The following PGR variants were observed in gnomAD, a reference collection of about 807,000 sequenced individuals.
PGR encodes the protein nuclear receptor subfamily 3 group C member 3.
Under a neutral mutation model 76.1 loss-of-function variants are expected in PGR, and 25 were observed. The observed-to-expected ratio is 0.33, with a 90% CI of 0.24 to 0.46. PGR has a LOEUF of 0.46. Ranked by LOEUF, PGR falls within the 20% of genes least tolerant of loss-of-function variation. The pLI, the probability that PGR is intolerant of heterozygous loss-of-function variation, is 1.00. For synonymous variants in PGR, 579 were observed against 535.0 expected, an observed-to-expected ratio of 1.08 and a Z score of -1.14; for missense variants, 1,172 against 1,225.3, an observed-to-expected ratio of 0.96 and a Z score of 0.65.
rs1591363767 is a variant in PGR at position 101,038,859 on chromosome 11, T to C, written c.*257A>G. ...AAATAATATGGATAAGATAGTTTAC[T>C]TTAACAATTTTAGTACTTTTTCAAT... is the stretch of plus-strand genomic sequence containing the variant. On this transcript the variant is annotated 3_prime_UTR_variant, in exon 8 of 8. Transcript: ENST00000325455. The C allele has an allele frequency of 2.5e-6, 1 of 398,684 alleles. No homozygotes were observed. The highest frequency in any genetic ancestry group is 4.6e-6 in the Non-Finnish European group (1 of 219,694). The allele number at this position is 398,684 out of a possible 1,614,324, so 24.7% of individuals were successfully genotyped here.
chr11:101,117,732 C>T (rs915245192), intron 2 of PGR, among the ~76,000 whole-genome samples: 1 of 152,028 alleles, frequency 6.6e-6, no homozygotes, highest in African/African-American at 2.4e-5. Flanking sequence ...TAATTACTGT[C>T]TCTGTTTTTA....
rs565745073 is a variant in PGR, at chr11:101,120,606, A to G, written c.1789+5401T>C. On this transcript the variant is annotated intron_variant, in intron 2 of 7. Transcript: ENST00000325455. ...TTCAAGTCATTTTTGTATCAAAATA[A>G]CATGATGCATAAATTATGATATATA... is the stretch of plus-strand genomic sequence containing the variant. Among the ~76,000 whole-genome samples the G allele has an allele frequency of 2.6e-5, 4 of 152,326 alleles. No individual in the cohort carries two copies. In the East Asian group the frequency reaches 7.7e-4, roughly 29 times the overall value.
intron 2 of PGR, among the ~76,000 whole-genome samples, chr11:101,093,264 C>T (rs1488891187): frequency 1.3e-5 from 2 of 151,858 alleles, no homozygotes; most frequent in African/African-American, 2.4e-5. Context: ...GCCAGTCCTA[C>T]AGGAGGTTAG....
chr11:101,074,881 G>A (rs499664), intron 3 of PGR, among the ~76,000 whole-genome samples: 19,726 of 152,158 alleles, frequency 0.13, 1,328 homozygotes, highest in East Asian at 0.19. Flanking sequence ...TCAATATCAT[G>A]AAAATGGCCA....
Position 101,039,069 on chromosome 11 carries a change from A to G in PGR, c.*47T>C. 1 of 1,523,030 alleles carries G rather than the reference A, an allele frequency of 6.6e-7. No homozygotes were observed. Among genetic ancestry groups the G allele is most frequent in the Non-Finnish European group, 9.1e-7 (1 of 1,099,434 alleles). The allele number at this position is 1,523,030 out of a possible 1,614,324, so 94.3% of individuals were successfully genotyped here. On this transcript the variant is annotated 3_prime_UTR_variant, in exon 8 of 8. Transcript: ENST00000325455. ...AGACCTCATAATCCTGACCAAAACA[A>G]AAAGACATACCACAAAATTTAATTC...
rs944882555 is a variant in PGR at position 101,037,195 on chromosome 11, T to C, written c.*1921A>G. 2.4e-5 allele frequency: 5 copies of C among 210,682 alleles called. No homozygotes were observed. Among genetic ancestry groups the C allele is most frequent in the African/African-American group, 1.1e-4 (5 of 44,242 alleles). 13.1% of individuals were successfully genotyped at this position (210,682 alleles called of 1,614,324 possible). Reference sequence around the variant, plus strand: ...ACACATAAAGGTGTTATTTAATATTTAAAGTTAGTACCTTTGTGCTGCATG... The same window carrying C: ...ACACATAAAGGTGTTATTTAATATTCAAAGTTAGTACCTTTGTGCTGCATG... On this transcript the variant is annotated 3_prime_UTR_variant, in exon 8 of 8. Transcript: ENST00000325455.
At chr11:101,053,535 C>T (rs1860172078) in intron 4 of PGR, among the ~76,000 whole-genome samples, 1 of 134,752 alleles carries the variant, frequency 7.4e-6, no homozygotes, top group Non-Finnish European at 1.6e-5. Context: ...TTTCTTCCCT[C>T]CCCTTCTCCC....
intron 3 of PGR, among the ~76,000 whole-genome samples, chr11:101,065,912 A>G (rs1439831707): frequency 6.6e-6 from 1 of 151,980 alleles, no homozygotes; most frequent in African/African-American, 2.4e-5. Context: ...GCTTAGGGGG[A>G]AAGAAGCTCC....
At chr11:101,090,993 A>G (rs537976755) in intron 3 of PGR, among the ~76,000 whole-genome samples, 6 of 152,308 alleles carry the variant, frequency 3.9e-5, no homozygotes, top group Non-Finnish European at 7.3e-5. Context: ...CAATTATGTA[A>G]TATTTTTATT....
intron 2 of PGR, among the ~76,000 whole-genome samples, chr11:101,117,815 C>T (rs547851401): frequency 2.1e-4 from 32 of 152,270 alleles, no homozygotes; most frequent in African/African-American, 6.3e-4. Flanking sequence ...TCTGCCAGTA[C>T]TACTATTAAT....
chr11:101,073,662 C>T lies in PGR; in HGVS notation c.1907-10910G>A, dbSNP rs113985046. Among the ~76,000 whole-genome samples the T allele has an allele frequency of 4.4e-3, 669 of 152,110 alleles. 9 individuals carry two copies. Among genetic ancestry groups the T allele is most frequent in the African/African-American group, 0.015 (617 of 41,504 alleles). On this transcript the variant is annotated intron_variant, in intron 3 of 7. Coordinates refer to ENST00000325455, the MANE Select transcript of PGR (RefSeq NM_000926.4). ...GATAAAGGGGATATCACCAGTGATC[C>T]CACAGAAATACAAACTACCATCAGA...
intron 2 of PGR, among the ~76,000 whole-genome samples, chr11:101,124,333 A>G (rs1862773659): frequency 6.6e-6 from 1 of 152,160 alleles, no homozygotes; most frequent in Non-Finnish European, 1.5e-5. Context: ...TGTTCTATAT[A>G]TGCACTTTAT....
At chr11:101,127,368 G>T in intron 1 of PGR, 66 bp downstream of exon 1, 2 of 1,276,150 alleles carry the variant, frequency 1.6e-6, no homozygotes, top group Non-Finnish European at 1.0e-6. Flanking sequence ...GAGGGTTGGC[G>T]GCCGCCGCCG....
intron 3 of PGR, among the ~76,000 whole-genome samples, chr11:101,085,564 T>C (rs1006639806): frequency 1.2e-5 from 1 of 83,786 alleles, no homozygotes; most frequent in Non-Finnish European, 2.5e-5. Flanking sequence ...GAACAAACTA[T>C]CCCTAAAGCT....
rs376849243 is a variant in PGR, at chr11:101,030,181, G to A, written c.*8935C>T. On this transcript the variant is annotated 3_prime_UTR_variant, in exon 8 of 8. Coordinates refer to ENST00000325455, the MANE Select transcript of PGR (RefSeq NM_000926.4). ...AGTAGCATTAATAACTAAATAGGGCGTGAGTCATGAGAAAGATTCCCTGCA... is the reference window on the plus strand; with the variant it reads ...AGTAGCATTAATAACTAAATAGGGCATGAGTCATGAGAAAGATTCCCTGCA... 6 of 220,370 alleles carry A rather than the reference G, an allele frequency of 2.7e-5. No individual in the cohort carries two copies. The highest frequency in any genetic ancestry group is 6.7e-5 in the East Asian group (1 of 14,890). The allele number at this position is 220,370 out of a possible 1,614,324, so 13.7% of individuals were successfully genotyped here.
intron 2 of PGR, among the ~76,000 whole-genome samples, chr11:101,121,481 T>C (rs768014392): frequency 2.6e-5 from 4 of 152,240 alleles, no homozygotes; most frequent in Non-Finnish European, 2.9e-5. Flanking sequence ...TACTAGCCTA[T>C]GACACCAAGT....
intron 3 of PGR, among the ~76,000 whole-genome samples, chr11:101,069,628 G>T (rs937939216): frequency 1.3e-5 from 2 of 152,190 alleles, no homozygotes; most frequent in African/African-American, 4.8e-5. Context: ...ATCAGTGAGA[G>T]ACTGGATAAA....
intron 3 of PGR, among the ~76,000 whole-genome samples, chr11:101,068,826 T>G (rs1482542454): frequency 1.3e-5 from 2 of 151,816 alleles, no homozygotes; most frequent in Non-Finnish European, 2.9e-5. Context: ...TGCAGAAAAC[T>G]GAAAGTGGAC....
At chr11:101,093,609 A>C (rs777092124) in intron 2 of PGR, among the ~76,000 whole-genome samples, 1 of 152,024 alleles carries the variant, frequency 6.6e-6, no homozygotes, top group Non-Finnish European at 1.5e-5. Context: ...ACAGGCATGC[A>C]CCACCACGCC....
Sources: allele counts gnomAD v4.1 joint callset (sites outside exome capture counted in the v4.1 genomes callset), GRCh38; gene constraint gnomAD v4.1.1; transcripts MANE v1.5; gene names NCBI Gene and HGNC (gene_info 2026-07-23, HGNC 2026-07-21).